Variants in COLGALT2 observed in about 807,000 individuals in gnomAD.
COLGALT2 encodes the protein procollagen galactosyltransferase 2.
In COLGALT2, 49 loss-of-function variants were observed where a neutral mutation model predicts 73.4. The ratio of observed to expected loss-of-function variants is 0.67; its 90% CI spans 0.53 to 0.85. The LOEUF (loss-of-function observed/expected upper bound fraction) is 0.85, where lower values mean the gene tolerates loss of function less well. Among genes scored for constraint, COLGALT2 ranks in the 40% least tolerant of loss-of-function variants. COLGALT2 has a pLI of 0.00. For synonymous variants in COLGALT2, 295 were observed against 307.6 expected, an observed-to-expected ratio of 0.96 and a Z score of 0.43; for missense variants, 722 against 790.2, an observed-to-expected ratio of 0.91 and a Z score of 1.03.
intron 1 of COLGALT2, among the ~76,000 whole-genome samples, chr1:184,005,270 G>A (rs890107316): frequency 6.6e-6 from 1 of 152,206 alleles, no homozygotes; most frequent in Admixed American, 6.5e-5. Flanking sequence ...CAGAAAGCTT[G>A]GCTTTCTCCT....
chr1:183,990,327 C>T (rs1671597847), intron 1 of COLGALT2, among the ~76,000 whole-genome samples: 1 of 152,180 alleles, frequency 6.6e-6, no homozygotes, highest in African/African-American at 2.4e-5. Context: ...AAACTCCTAG[C>T]CTAATAAGAA....
At chr1:184,033,418 T>G (rs1649575617) in intron 1 of COLGALT2, among the ~76,000 whole-genome samples, 1 of 152,242 alleles carries the variant, frequency 6.6e-6, no homozygotes, top group African/African-American at 2.4e-5. Flanking sequence ...GTGCAGGTTT[T>G]AGGACACATG....
Position 183,938,052 on chromosome 1 carries a change from C to T in COLGALT2, c.*709G>A. On this transcript the variant is annotated 3_prime_UTR_variant, in exon 12 of 12. Coordinates refer to ENST00000361927, the MANE Select transcript of COLGALT2 (RefSeq NM_015101.4). ...ACATTGAGTTTTTTCCCTCAAATAC[C>T]TACACAAACTGTCAAATATCTACTA... is the stretch of plus-strand genomic sequence containing the variant. 3 of 985,404 alleles carry T rather than the reference C, an allele frequency of 3.0e-6. No homozygotes were observed. Among genetic ancestry groups the T allele is most frequent in the Non-Finnish European group, 3.6e-6 (3 of 829,936 alleles). 61.0% of individuals were successfully genotyped at this position (985,404 alleles called of 1,614,324 possible).
At chr1:183,978,282 A>G (rs577557812) in intron 2 of COLGALT2, 128 bp downstream of exon 2, 1 of 568,070 alleles carries the variant, frequency 1.8e-6, no homozygotes, top group South Asian at 2.5e-5. Context: ...AGATATTCAG[A>G]ACTCACATAG....
intron 1 of COLGALT2, among the ~76,000 whole-genome samples, chr1:183,991,573 A>G (rs1318896908): frequency 6.6e-6 from 1 of 152,218 alleles, no homozygotes; most frequent in East Asian, 1.9e-4. Flanking sequence ...TTCCAGGAAC[A>G]ACACTCCTGG....
In COLGALT2 at chr1:183,945,338, G is replaced by T. The variant is rs560384376; in HGVS notation, c.1269+94C>A. 4.3e-6 allele frequency: 6 copies of T among 1,405,636 alleles called. No individual in the cohort carries two copies. In the East Asian group the frequency reaches 1.4e-4, roughly 32 times the overall value. The allele number at this position is 1,405,636 out of a possible 1,614,324, so 87.1% of individuals were successfully genotyped here. A position where few individuals can be genotyped will look rare whatever the true frequency, so the allele number is the denominator to read the frequency against. On this transcript the variant is annotated intron_variant, in intron 9 of 11. Coordinates refer to ENST00000361927, the MANE Select transcript of COLGALT2 (RefSeq NM_015101.4). ...TCATGCACATTTCCAGAACAGTTGC[G>T]GGCTCACTTTACATCTGGCCCTAAC...
chr1:184,013,306 C>T (rs971545882), intron 1 of COLGALT2, among the ~76,000 whole-genome samples: 3 of 152,192 alleles, frequency 2.0e-5, no homozygotes, highest in Admixed American at 6.5e-5. Context: ...CAGAGTCAGA[C>T]TCCATCTCAA....
chr1:183,978,357 G>C, intron 2 of COLGALT2, 53 bp downstream of exon 2: 1 of 1,004,634 alleles, frequency 1.0e-6, no homozygotes, highest in Non-Finnish European at 1.6e-6. Context: ...TAAAGAGCTA[G>C]TTAAAGAGGA....
intron 1 of COLGALT2, among the ~76,000 whole-genome samples, chr1:183,988,511 C>T (rs1395771058): frequency 1.3e-5 from 2 of 152,190 alleles, no homozygotes; most frequent in African/African-American, 4.8e-5. Flanking sequence ...ACCCCTCCAG[C>T]CCCTGGTAAC....
intron 1 of COLGALT2, among the ~76,000 whole-genome samples, chr1:184,000,669 C>G (rs1169296686): frequency 2.0e-5 from 3 of 151,534 alleles, no homozygotes; most frequent in Non-Finnish European, 4.4e-5. Context: ...TATTATTTAC[C>G]TTTTCCCTGA....
intron 5 of COLGALT2, among the ~76,000 whole-genome samples, chr1:183,964,745 G>A (rs574101528): frequency 3.3e-5 from 5 of 152,256 alleles, no homozygotes; most frequent in Admixed American, 2.6e-4. Flanking sequence ...AGAGTTATAA[G>A]GCATCTGTGT....
rs1381537747 is a variant in COLGALT2, at chr1:183,938,961, G to A, written c.1681C>T (p.His561Tyr). ...SAEPLLIYPT[H>Y]YTGQPGYLSD... ...AGGTACCCCGGCTGGCCTGTGTAGT[G>A]CGTAGGGTAGATGAGCAAGGGTTCT... Residue 561 changes from histidine (H) to tyrosine (Y), a missense_variant, in exon 12 of 12, where the codon CAC (histidine) becomes TAC (tyrosine). Transcript: ENST00000361927. 7 of 1,614,004 alleles carry A rather than the reference G, an allele frequency of 4.3e-6. No homozygotes were observed. The Admixed American group carries it at 1.0e-4, about 23-fold the overall frequency.
chr1:183,988,314 A>G (rs1170285733), intron 1 of COLGALT2, among the ~76,000 whole-genome samples: 1 of 152,256 alleles, frequency 6.6e-6, no homozygotes, highest in Non-Finnish European at 1.5e-5. Context: ...AGCAACTAAG[A>G]CATGATTACT....
intron 10 of COLGALT2, among the ~76,000 whole-genome samples, chr1:183,943,428 A>G (rs1026379359): frequency 1.3e-5 from 2 of 152,140 alleles, no homozygotes; most frequent in Non-Finnish European, 2.9e-5. Context: ...TTTGTTTTAA[A>G]AAGAAAATGA....
At chr1:184,029,450 C>G (rs1213007020) in intron 1 of COLGALT2, among the ~76,000 whole-genome samples, 1 of 152,172 alleles carries the variant, frequency 6.6e-6, no homozygotes, top group Non-Finnish European at 1.5e-5. Flanking sequence ...CAACATGGGT[C>G]AGGCAAGTCA....
chr1:183,931,764 C>G (rs1669850647), downstream of COLGALT2, among the ~76,000 whole-genome samples: 1 of 132,854 alleles, frequency 7.5e-6, no homozygotes, highest in African/African-American at 2.8e-5. Flanking sequence ...ATTTCTTACA[C>G]AAGAATGAAA....
intron 1 of COLGALT2, among the ~76,000 whole-genome samples, chr1:183,990,242 T>C (rs1671595690): frequency 6.6e-6 from 1 of 152,258 alleles, no homozygotes. Context: ...TACTCCTCCA[T>C]TCTTAACGCT....
intron 1 of COLGALT2, among the ~76,000 whole-genome samples, chr1:183,981,208 A>T (rs2102821932): frequency 6.6e-6 from 1 of 152,336 alleles, no homozygotes; most frequent in South Asian, 2.1e-4. Flanking sequence ...ATGAAAGTTG[A>T]AATTTAAAAA....
chr1:183,930,390 T>G (rs1669816204), intron 11 of COLGALT2: 1 of 420,662 alleles, frequency 2.4e-6, no homozygotes, highest in Admixed American at 2.8e-5. Context: ...TTGATCTTAT[T>G]TTTTAATTTA....
Sources: allele counts gnomAD v4.1 joint callset (sites outside exome capture counted in the v4.1 genomes callset), GRCh38; gene constraint gnomAD v4.1.1; transcripts MANE v1.5; gene names NCBI Gene and HGNC (gene_info 2026-07-23, HGNC 2026-07-21).